The following NELL1 variants were observed in gnomAD, a reference collection of about 807,000 sequenced individuals.
NELL1 encodes protein kinase C-binding protein NELL1.
NELL1 carries 76 observed loss-of-function variants against 107.4 expected under a neutral mutation model. The observed-to-expected ratio is 0.71, with a 90% CI of 0.59 to 0.86. The LOEUF (loss-of-function observed/expected upper bound fraction) is 0.86, where lower values mean the gene tolerates loss of function less well. NELL1 is among the 40% of genes least tolerant of loss of function. The pLI is 0.00. For missense variants in NELL1, 1,024 were observed against 1,005.5 expected, an observed-to-expected ratio of 1.02 and a Z score of -0.25; for synonymous variants, 353 against 341.2, an observed-to-expected ratio of 1.03 and a Z score of -0.38.
intron 12 of NELL1, among the ~76,000 whole-genome samples, chr11:21,088,264 T>C (rs956242293): frequency 2.0e-5 from 3 of 152,134 alleles, no homozygotes; most frequent in African/African-American, 4.8e-5. Context: ...ATAATAATCG[T>C]GATAGAAGTA....
intron 12 of NELL1, among the ~76,000 whole-genome samples, chr11:21,079,563 A>G (rs1378964649): frequency 2.0e-5 from 3 of 152,090 alleles, no homozygotes; most frequent in Non-Finnish European, 4.4e-5. Flanking sequence ...GTTTCCACAA[A>G]CCAAGAAACC....
At chr11:21,073,919 G>T (rs992163054) in intron 12 of NELL1, among the ~76,000 whole-genome samples, 3 of 151,990 alleles carry the variant, frequency 2.0e-5, no homozygotes, top group African/African-American at 7.2e-5. Flanking sequence ...CTTCTTTTAG[G>T]CAAACAACAA....
chr11:21,326,049 G>GTTT lies in NELL1; in HGVS notation c.1550-44774_1550-44772dup, dbSNP rs35690119. Among the ~76,000 whole-genome samples, 364 of 36,856 alleles carry GTTT rather than the reference G, an allele frequency of 9.9e-3. 49 individuals carry two copies. Among genetic ancestry groups the GTTT allele is most frequent in the East Asian group, 0.016 (15 of 962 alleles). The allele number at this position is 36,856 out of a possible 152,430, so 24.2% of individuals were successfully genotyped here. A position where few individuals can be genotyped will look rare whatever the true frequency, so the allele number is the denominator to read the frequency against. On this transcript the variant is annotated intron_variant, in intron 14 of 19. Coordinates refer to ENST00000357134, the MANE Select transcript of NELL1 (RefSeq NM_006157.5). Reference sequence around the variant, plus strand: ...ACCACGGATATTTGTGTTAATCCTAGTTTTTTTTTTTTTTTTTTTTTTTTT... The same window carrying GTTT: ...ACCACGGATATTTGTGTTAATCCTAGTTTTTTTTTTTTTTTTTTTTTTTTTTTT...
At chr11:21,101,037 T>G (rs1236280040) in intron 12 of NELL1, among the ~76,000 whole-genome samples, 1 of 145,864 alleles carries the variant, frequency 6.9e-6, no homozygotes, top group Non-Finnish European at 1.5e-5. Context: ...CCCCTTCCTG[T>G]GTCCATGTGT....
intron 3 of NELL1, among the ~76,000 whole-genome samples, chr11:20,834,143 T>C (rs1479001020): frequency 6.6e-6 from 1 of 152,146 alleles, no homozygotes; most frequent in East Asian, 1.9e-4. Context: ...ATATAGTTGC[T>C]AGTAGTAGAT....
At chr11:21,561,675 G>A (rs1031683702) in intron 17 of NELL1, among the ~76,000 whole-genome samples, 1 of 151,876 alleles carries the variant, frequency 6.6e-6, no homozygotes, top group Non-Finnish European at 1.5e-5. Context: ...GATATTTATT[G>A]GTATATTTAA....
At chr11:21,470,478 T>C (rs1456321855) in intron 15 of NELL1, among the ~76,000 whole-genome samples, 1 of 152,124 alleles carries the variant, frequency 6.6e-6, no homozygotes, top group Non-Finnish European at 1.5e-5. Flanking sequence ...AAATGCCTGA[T>C]ATGTACATGT....
chr11:20,867,658 T>C (rs147812620), intron 4 of NELL1, among the ~76,000 whole-genome samples: 1 of 152,326 alleles, frequency 6.6e-6, no homozygotes, highest in East Asian at 1.9e-4. Context: ...GGATGCATAG[T>C]ATTTGTGTTT....
chr11:20,916,557 G>C (rs1191153392), intron 5 of NELL1, among the ~76,000 whole-genome samples: 1 of 151,672 alleles, frequency 6.6e-6, no homozygotes, highest in Non-Finnish European at 1.5e-5. Context: ...AATAATCTAG[G>C]GTCTTCTGAT....
At chr11:20,863,835 C>T (rs192542006) in intron 4 of NELL1, among the ~76,000 whole-genome samples, 1 of 152,210 alleles carries the variant, frequency 6.6e-6, no homozygotes, top group Non-Finnish European at 1.5e-5. Flanking sequence ...ACTGAGTGAA[C>T]GAGACTCCGT....
At chr11:20,718,585 C>G (rs1380720064) in intron 2 of NELL1, among the ~76,000 whole-genome samples, 1 of 152,088 alleles carries the variant, frequency 6.6e-6, no homozygotes, top group African/African-American at 2.4e-5. Flanking sequence ...TACCCTTGCT[C>G]TCAAGGGTCT....
chr11:20,915,936 G>T (rs562869912), intron 5 of NELL1, among the ~76,000 whole-genome samples: 9 of 151,338 alleles, frequency 5.9e-5, no homozygotes, highest in African/African-American at 2.2e-4. Context: ...ACATAAATGT[G>T]TGTAGTCACA....
intron 15 of NELL1, among the ~76,000 whole-genome samples, chr11:21,499,988 G>A (rs1484356968): frequency 6.6e-6 from 1 of 152,118 alleles, no homozygotes; most frequent in Non-Finnish European, 1.5e-5. Context: ...TCAAGAGAAG[G>A]AATAGATAGT....
At chr11:21,053,567 C>T (rs997992284) in intron 12 of NELL1, among the ~76,000 whole-genome samples, 1 of 152,152 alleles carries the variant, frequency 6.6e-6, no homozygotes, top group Non-Finnish European at 1.5e-5. Flanking sequence ...GCACTCAGTA[C>T]TGCATCCTCA....
chr11:21,249,856 A>C (rs903254430), intron 14 of NELL1, among the ~76,000 whole-genome samples: 5 of 152,230 alleles, frequency 3.3e-5, no homozygotes, highest in Non-Finnish European at 5.9e-5. Context: ...AGTCCAGAAG[A>C]AACTAAACTG....
chr11:21,354,379 C>T lies in NELL1; in HGVS notation c.1550-16474C>T, dbSNP rs148455412. On this transcript the variant is annotated intron_variant, in intron 14 of 19. Coordinates refer to ENST00000357134, the MANE Select transcript of NELL1 (RefSeq NM_006157.5). ...CTTCTTTCTACTCTCCTCTCCTTCC[C>T]GCTTCACTTAGTTAAAACTTCAAAC... 2.8e-3 allele frequency among the ~76,000 whole-genome samples: 430 copies of T among 152,028 alleles called. 4 individuals carry two copies. The highest frequency in any genetic ancestry group is 9.8e-3 in the African/African-American group (405 of 41,488).
At chr11:21,521,535 G>T (rs1304614989) in intron 15 of NELL1, among the ~76,000 whole-genome samples, 1 of 151,794 alleles carries the variant, frequency 6.6e-6, no homozygotes, top group Non-Finnish European at 1.5e-5. Flanking sequence ...TTTTTTTGGT[G>T]TATCAATTGC....
At chr11:21,545,721 G>A (rs1290032635) in intron 16 of NELL1, among the ~76,000 whole-genome samples, 1 of 151,810 alleles carries the variant, frequency 6.6e-6, no homozygotes, top group African/African-American at 2.4e-5. Flanking sequence ...AGAATGAGAG[G>A]GGGCATTTCT....
At chr11:20,841,661 G>T (rs949579611) in intron 3 of NELL1, among the ~76,000 whole-genome samples, 4 of 152,110 alleles carry the variant, frequency 2.6e-5, no homozygotes, top group African/African-American at 9.7e-5. Context: ...TTTAGCCAGA[G>T]GAAATCTTAC....
Sources: allele counts gnomAD v4.1 joint callset (sites outside exome capture counted in the v4.1 genomes callset), GRCh38; gene constraint gnomAD v4.1.1; transcripts MANE v1.5; gene names NCBI Gene and HGNC (gene_info 2026-07-23, HGNC 2026-07-21).